The following PTPRB variants were observed in gnomAD, a reference collection of about 807,000 sequenced individuals.
PTPRB encodes protein tyrosine phosphatase receptor type B.
Under a neutral mutation model 238.1 loss-of-function variants are expected in PTPRB, and 97 were observed. The observed-to-expected ratio is 0.41, with a 90% CI of 0.35 to 0.48. The LOEUF is 0.48. Ranked by LOEUF, PTPRB falls within the 20% of genes least tolerant of loss-of-function variation. The pLI, the probability that PTPRB is intolerant of heterozygous loss-of-function variation, is 0.30. For synonymous variants in PTPRB, 970 were observed against 995.4 expected, an observed-to-expected ratio of 0.97 and a Z score of 0.48; for missense variants, 2,292 against 2,681.9, an observed-to-expected ratio of 0.85 and a Z score of 3.21.
At chr12:70,611,057 C>T (rs534199555) in intron 3 of PTPRB, among the ~76,000 whole-genome samples, 1 of 152,092 alleles carries the variant, frequency 6.6e-6, no homozygotes, top group South Asian at 2.1e-4. Context: ...AATATTGCAA[C>T]AAGTTTTATA....
chr12:70,624,295 G>A (rs143865224), intron 2 of PTPRB, among the ~76,000 whole-genome samples: 70 of 151,948 alleles, frequency 4.6e-4, no homozygotes, highest in Non-Finnish European at 4.4e-5. Flanking sequence ...AAATGTAACC[G>A]AGTGCTGCGT....
chr12:70,539,736 G>T, intron 25 of PTPRB, 30 bp from the exon 26 acceptor site: 1 of 1,596,870 alleles, frequency 6.3e-7, no homozygotes, highest in Non-Finnish European at 8.6e-7. Flanking sequence ...AAACAGAAAA[G>T]AGTTACTGCA....
intron 32 of PTPRB, among the ~76,000 whole-genome samples, chr12:70,524,845 A>ATATAGGTGTG (rs1345501941): frequency 1.4e-5 from 2 of 146,142 alleles, no homozygotes; most frequent in African/African-American, 5.0e-5. Context: ...ATATGTGTGT[A>ATATAGGTGTG]TATATGTGTG....
chr12:70,563,095 A>G lies in PTPRB; in HGVS notation c.3917T>C (p.Val1306Ala), dbSNP rs764787753. Reference protein sequence around the residue: ...QTEGRTVPAAVTDLRITENST... With the variant: ...QTEGRTVPAAATDLRITENST... ...GTTCTCTGTGATCCTCAGGTCGGTGACAGCTGCTGGGACTGGAAAAGTCGA... is the reference window on the plus strand; with the variant it reads ...GTTCTCTGTGATCCTCAGGTCGGTGGCAGCTGCTGGGACTGGAAAAGTCGA... The change falls in exon 16 of 34, where the codon GTC (valine) becomes GCC (alanine). Residue 1306 changes from valine to alanine, a missense_variant. Transcript: ENST00000334414. 6.2e-7 allele frequency: 1 copy of G among 1,612,558 alleles called. No homozygotes were observed. The highest frequency in any genetic ancestry group is 8.5e-7 in the Non-Finnish European group (1 of 1,179,108).
chr12:70,558,995 T>G (rs1565941555), intron 18 of PTPRB: 3 of 398,336 alleles, frequency 7.5e-6, no homozygotes, highest in African/African-American at 2.0e-5. Flanking sequence ...TTTAGGTTTC[T>G]ATTTGGATGT....
rs768944578 is a variant in PTPRB, at chr12:70,592,353, C to T, written c.1709G>A (p.Arg570Gln). ...ETHFKELVPG[R>Q]LYQVTVSCVS... ...ACAGCTGACAGTAACTTGATAAAGT[C>T]GACCGGGGACTAACTCTTTAAAGTG... The change falls in exon 7 of 34, where the codon CGA (arginine) becomes CAA (glutamine). Residue 570 changes from arginine to glutamine, a missense_variant. This residue lies in a region of PTPRB where 1,205 missense variants were observed against 1,287.8 expected (regional missense o/e 0.94). Coordinates refer to ENST00000334414, the MANE Select transcript of PTPRB (RefSeq NM_001109754.4). 1.7e-5 allele frequency: 28 copies of T among 1,613,842 alleles called. No homozygotes were observed. The highest frequency in any genetic ancestry group is 2.2e-5 in the East Asian group (1 of 44,890).
chr12:70,571,128 C>T lies in PTPRB; in HGVS notation c.3268G>A (p.Glu1090Lys), dbSNP rs750683715. The T allele has an allele frequency of 1.9e-5, 30 of 1,613,806 alleles. No homozygotes were observed. Among genetic ancestry groups the T allele is most frequent in the East Asian group, 2.2e-5 (1 of 44,892 alleles). Reference sequence around the variant, plus strand: ...GGTGTTAGGGAAGTAAATCGATACTCGGTTGCGGTATTTACAAGGTGAAAA... The same window carrying T: ...GGTGTTAGGGAAGTAAATCGATACTTGGTTGCGGTATTTACAAGGTGAAAA... ...PPFHLVNTAT[E>K]YRFTSLTPGR... The change falls in exon 13 of 34, where the codon GAG (glutamate) becomes AAG (lysine). Residue 1090 changes from glutamate (E) to lysine (K), a missense_variant. Coordinates refer to ENST00000334414, the MANE Select transcript of PTPRB (RefSeq NM_001109754.4).
At chr12:70,592,707 A>G (rs537250760) in intron 6 of PTPRB, among the ~76,000 whole-genome samples, 162 bp from the exon 7 acceptor site, 8 of 152,388 alleles carry the variant, frequency 5.2e-5, no homozygotes, top group Admixed American at 1.3e-4. Flanking sequence ...TGGTGAAAAA[A>G]TAAAAATAAA....
chr12:70,543,880 G>GATA (rs1334962504), intron 22 of PTPRB, among the ~76,000 whole-genome samples: 2 of 152,178 alleles, frequency 1.3e-5, no homozygotes, highest in African/African-American at 4.8e-5. Context: ...AGATGGGGAT[G>GATA]ATAATAGCAT....
intron 3 of PTPRB, among the ~76,000 whole-genome samples, chr12:70,612,892 CAGG>C (rs545363199): frequency 9.9e-5 from 15 of 152,168 alleles, no homozygotes; most frequent in African/African-American, 3.4e-4. Flanking sequence ...GAGGCTGCAG[CAGG>C]AGGATTGCTT....
At chr12:70,525,094 A>G (rs1246189058) in intron 32 of PTPRB, among the ~76,000 whole-genome samples, 1 of 152,040 alleles carries the variant, frequency 6.6e-6, no homozygotes, top group Non-Finnish European at 1.5e-5. Context: ...ACTCCTATGT[A>G]GCTTACGTAA....
chr12:70,579,695 CAAAAAA>C (rs35887706), intron 10 of PTPRB, among the ~76,000 whole-genome samples: 5 of 90,982 alleles, frequency 5.5e-5, no homozygotes, highest in South Asian at 3.9e-4. Context: ...GACTCCATCT[CAAAAAA>C]AAAAAAAAAA....
In PTPRB at chr12:70,517,307, C is replaced by T. The variant is rs1177943229; in HGVS notation, c.*4182G>A. On this transcript the variant is annotated 3_prime_UTR_variant, in exon 34 of 34. Transcript: ENST00000334414. ...CGTGTGACAGGATTGTCCAAGCACACCCAGGCCACACAGAAGAGATGCCAT... is the reference window on the plus strand; with the variant it reads ...CGTGTGACAGGATTGTCCAAGCACATCCAGGCCACACAGAAGAGATGCCAT... The T allele has an allele frequency of 1.3e-5, 2 of 152,164 alleles. No homozygotes were observed. The highest frequency in any genetic ancestry group is 2.9e-5 in the Non-Finnish European group (2 of 68,032). The allele number at this position is 152,164 out of a possible 1,614,324, so 9.4% of individuals were successfully genotyped here. A position where few individuals can be genotyped will look rare whatever the true frequency, so the allele number is the denominator to read the frequency against.
chr12:70,544,652 C>T lies in PTPRB; in HGVS notation c.5399G>A (p.Arg1800Gln), dbSNP rs542234645. ...KPHTAYRISI[R>Q]AFTQLFDEDL... ...CTCATCAAAGAGCTGTGTAAAAGCT[C>T]GAATGCTGATTCTGAAAAGAAAACC... is the stretch of plus-strand genomic sequence containing the variant. Residue 1800 changes from arginine to glutamine, a missense_variant, in exon 22 of 34, where the codon CGA (arginine) becomes CAA (glutamine). Coordinates refer to ENST00000334414, the MANE Select transcript of PTPRB (RefSeq NM_001109754.4). 6 of 1,572,908 alleles carry T rather than the reference C, an allele frequency of 3.8e-6. No homozygotes were observed. Among genetic ancestry groups the T allele is most frequent in the East Asian group, 2.3e-5 (1 of 43,774 alleles).
At chr12:70,580,711 C>T (rs1480557766) in intron 10 of PTPRB, among the ~76,000 whole-genome samples, 2 of 151,570 alleles carry the variant, frequency 1.3e-5, no homozygotes, top group African/African-American at 2.4e-5. Context: ...CCCAGCTACT[C>T]GGGAGACTGA....
In PTPRB at chr12:70,572,065, G is replaced by T. The variant is rs1230297340; in HGVS notation, c.2865C>A (p.Val955=). The change falls in exon 12 of 34, where the codon GTC becomes GTA. Residue 955 remains valine (V), a synonymous_variant. Transcript: ENST00000334414. ...ERTVPDKVQG[V]SVSNSARSDY... ...CACTCCTGGCTGAGTTGCTAACACT[G>T]ACTCCCTGGACTTTGTCAGGCACTG... 1 of 1,610,680 alleles carries T rather than the reference G, an allele frequency of 6.2e-7. No individual in the cohort carries two copies. Among genetic ancestry groups the T allele is most frequent in the Admixed American group, 1.7e-5 (1 of 59,412 alleles).
intron 7 of PTPRB, among the ~76,000 whole-genome samples, chr12:70,590,909 C>T (rs1236946835): frequency 6.8e-6 from 1 of 147,790 alleles, no homozygotes. Context: ...TTTTTTAGGT[C>T]CTTATTAAAG....
intron 2 of PTPRB, among the ~76,000 whole-genome samples, chr12:70,629,201 G>A (rs990919393): frequency 1.9e-4 from 29 of 151,898 alleles, no homozygotes; most frequent in Admixed American, 2.6e-4. Flanking sequence ...GAATGACTGC[G>A]TACTCCTCAG....
chr12:70,634,529 C>A (rs1378988675), intron 2 of PTPRB, among the ~76,000 whole-genome samples: 1 of 152,040 alleles, frequency 6.6e-6, no homozygotes, highest in African/African-American at 2.4e-5. Flanking sequence ...TGCCGTGGTG[C>A]TTTGTTGCAC....
Sources: gnomAD v4.1 joint callset for allele counts (sites outside exome capture counted in the v4.1 genomes callset) on GRCh38, gnomAD v4.1.1 for gene constraint, gnomAD v4.1.1 regional missense constraint, MANE v1.5 for transcripts, NCBI Gene and HGNC (gene_info 2026-07-23, HGNC 2026-07-21) for gene names.